Variants in KLHL29 observed in about 807,000 individuals in gnomAD.
KLHL29 encodes kelch like family member 29.
Under a neutral mutation model 80.4 loss-of-function variants are expected in KLHL29, and 21 were observed. The observed-to-expected ratio is 0.26, with a 90% confidence interval of 0.19 to 0.38. The LOEUF (loss-of-function observed/expected upper bound fraction) is 0.38. KLHL29 is among the 10% of genes least tolerant of loss of function. The pLI is 1.00. For synonymous variants in KLHL29, 511 were observed against 526.8 expected, an observed-to-expected ratio of 0.97 and a Z score of 0.41; for missense variants, 867 against 1,223.9, an observed-to-expected ratio of 0.71 and a Z score of 4.35.
At chr2:23,422,650 T>TGTGTGTGTGTCC (rs759311683) in intron 1 of KLHL29, among the ~76,000 whole-genome samples, 244 of 152,166 alleles carry the variant, frequency 1.6e-3, no homozygotes, top group Non-Finnish European at 2.2e-3. Context: ...TGTATGTGCC[T>TGTGTGTGTGTCC]GTGTGTGTGT....
chr2:23,639,317 C>G (rs540290), intron 4 of KLHL29, 37 bp downstream of exon 4: 692,262 of 1,533,368 alleles, frequency 0.45, 158,140 homozygotes, highest in Middle Eastern at 0.55. Context: ...CGACTGAGCC[C>G]AGGGCTTGGC....
At chr2:23,475,394 C>T (rs1222710096) in intron 1 of KLHL29, among the ~76,000 whole-genome samples, 166 bp from the exon 2 acceptor site, 2 of 94,142 alleles carry the variant, frequency 2.1e-5, no homozygotes, top group Non-Finnish European at 4.3e-5. Context: ...CAGTATGCAA[C>T]TCAGCATCAG....
In KLHL29 at chr2:23,457,547, C is replaced by T. The variant is rs1040665950; in HGVS notation, c.-153-18013C>T. The stretch of plus-strand genomic sequence containing the variant: ...CTTGTGTTCCCCGAGGTGGGGGTGC[C>T]TCTGGAATTCCCTGTTCTGCTTTTA... On this transcript the variant is annotated intron_variant, in intron 1 of 13. Transcript: ENST00000486442. This position sits in a 1 kb window ranked among gnomAD's most constrained non-coding sequence, Gnocchi z 4.3. Among the ~76,000 whole-genome samples, 2 of 152,164 alleles carry T rather than the reference C, an allele frequency of 1.3e-5. No homozygotes were observed. Among genetic ancestry groups the T allele is most frequent in the Non-Finnish European group, 2.9e-5 (2 of 68,034 alleles).
chr2:23,592,719 A>G lies in KLHL29; in HGVS notation c.285+30238A>G, dbSNP rs143065845. On this transcript the variant is annotated intron_variant, in intron 3 of 13. Coordinates refer to ENST00000486442, the MANE Select transcript of KLHL29 (RefSeq NM_052920.2). ...GAGAGGGAAGAACCAAGAGCTTGCA[A>G]TGACCTTGCTCCTTCTCAGGGACAG... 8.8e-3 allele frequency among the ~76,000 whole-genome samples: 1,338 copies of G among 152,322 alleles called. 15 individuals carry two copies. Among genetic ancestry groups the G allele is most frequent in the African/African-American group, 0.031 (1,272 of 41,564 alleles).
Position 23,707,903 on chromosome 2 carries a change from A to T in KLHL29, c.*1239A>T, listed in dbSNP as rs1374035262. The T allele has an allele frequency of 1.3e-5, 2 of 152,314 alleles. No individual in the cohort carries two copies. Among genetic ancestry groups the T allele is most frequent in the Non-Finnish European group, 2.9e-5 (2 of 68,100 alleles). The allele number at this position is 152,314 out of a possible 1,614,324, so 9.4% of individuals were successfully genotyped here. A position where few individuals can be genotyped will look rare whatever the true frequency, so the allele number is the denominator to read the frequency against. On this transcript the variant is annotated 3_prime_UTR_variant, in exon 14 of 14. Transcript: ENST00000486442. ...GAAAAGGGAAGCCAGGAGGGAGGTC[A>T]CACCATGGCTCAAAAGGGAAAGGCC... is the stretch of plus-strand genomic sequence containing the variant.
chr2:23,410,630 G>C (rs1666839697), intron 1 of KLHL29, among the ~76,000 whole-genome samples: 1 of 151,936 alleles, frequency 6.6e-6, no homozygotes, highest in African/African-American at 2.4e-5. Flanking sequence ...TAGTAGTAAG[G>C]GTCAAGCTGT....
chr2:23,698,471 T>G (rs1480679895), intron 11 of KLHL29, among the ~76,000 whole-genome samples: 2 of 152,096 alleles, frequency 1.3e-5, no homozygotes, highest in Non-Finnish European at 2.9e-5. Context: ...AAGGTCAGGG[T>G]AATGGGGACA....
In KLHL29 at chr2:23,703,318, C is replaced by T. The variant is rs1229304383; in HGVS notation, c.2238C>T (p.Gly746=). ...GGVNEAGRAA[G]VLQSYVPQTN... ...TGAACGAGGCAGGCCGAGCTGCCGG[C>T]GTCCTCCAGTCTTACGTTCCTCAGA... is the stretch of plus-strand genomic sequence containing the variant. Residue 746 remains glycine, a synonymous_variant, in exon 12 of 14, where the codon GGC becomes GGT. Coordinates refer to ENST00000486442, the MANE Select transcript of KLHL29 (RefSeq NM_052920.2). 4.5e-6 allele frequency: 7 copies of T among 1,546,186 alleles called. No individual in the cohort carries two copies. Among genetic ancestry groups the T allele is most frequent in the South Asian group, 3.6e-5 (3 of 83,400 alleles).
intron 2 of KLHL29, among the ~76,000 whole-genome samples, chr2:23,548,453 A>G (rs1214850399): frequency 6.6e-6 from 1 of 152,172 alleles, no homozygotes; most frequent in Non-Finnish European, 1.5e-5. Flanking sequence ...TGGGCACATG[A>G]TAGAGTTGCA....
intron 3 of KLHL29, among the ~76,000 whole-genome samples, chr2:23,615,371 C>T (rs1668978089): frequency 6.6e-6 from 1 of 152,192 alleles, no homozygotes. Flanking sequence ...TCCCCAGCCA[C>T]CCTGGGACCA....
At chr2:23,558,074 T>A (rs1406466374) in intron 2 of KLHL29, among the ~76,000 whole-genome samples, 1 of 152,170 alleles carries the variant, frequency 6.6e-6, no homozygotes, top group Non-Finnish European at 1.5e-5. Context: ...GGTCTGGAAG[T>A]GGTCTCCATC....
chr2:23,452,172 C>T (rs901080267), intron 1 of KLHL29, among the ~76,000 whole-genome samples: 3 of 138,022 alleles, frequency 2.2e-5, no homozygotes, highest in Non-Finnish European at 4.5e-5. Flanking sequence ...CCACCGTGCC[C>T]AGAAAAAAAA....
intron 1 of KLHL29, among the ~76,000 whole-genome samples, chr2:23,396,150 C>G (rs1473041109): frequency 6.6e-6 from 1 of 152,194 alleles, no homozygotes; most frequent in Non-Finnish European, 1.5e-5. Flanking sequence ...TTCTGTCCAA[C>G]CCAGTGGTGC....
At chr2:23,554,006 G>T (rs777147156) in intron 2 of KLHL29, among the ~76,000 whole-genome samples, 3 of 152,156 alleles carry the variant, frequency 2.0e-5, no homozygotes, top group Non-Finnish European at 2.9e-5. Context: ...GCCAGTGTGG[G>T]ACTCACCCCT....
chr2:23,661,351 A>AC (rs1397283463), intron 5 of KLHL29, among the ~76,000 whole-genome samples: 1 of 151,750 alleles, frequency 6.6e-6, no homozygotes, highest in African/African-American at 2.4e-5. Context: ...AAAAAAAAAA[A>AC]AAAAACCATG....
At chr2:23,591,550 AC>A (rs1204568703) in intron 3 of KLHL29, among the ~76,000 whole-genome samples, 1 of 127,838 alleles carries the variant, frequency 7.8e-6, no homozygotes, top group African/African-American at 3.1e-5. Context: ...CCTGCTCCTT[AC>A]CCCCCACAGC....
intron 3 of KLHL29, among the ~76,000 whole-genome samples, chr2:23,605,812 C>A (rs935696125): frequency 3.3e-5 from 5 of 151,564 alleles, no homozygotes; most frequent in Non-Finnish European, 7.4e-5. Context: ...CTCTGTCGCC[C>A]AGGCTGGAGT....
intron 1 of KLHL29, among the ~76,000 whole-genome samples, chr2:23,440,377 A>G (rs1034303781): frequency 9.2e-5 from 14 of 151,864 alleles, no homozygotes; most frequent in African/African-American, 3.1e-4. Context: ...TAAAAACTCT[A>G]TAAGAAAACC....
chr2:23,412,484 C>T (rs1666888954), intron 1 of KLHL29, among the ~76,000 whole-genome samples: 1 of 152,086 alleles, frequency 6.6e-6, no homozygotes, highest in South Asian at 2.1e-4. Context: ...AAACTTGAAC[C>T]AGTGCATCTA....
Sources: gnomAD v4.1 joint callset for allele counts (sites outside exome capture counted in the v4.1 genomes callset) on GRCh38, gnomAD v4.1.1 for gene constraint, Gnocchi (gnomAD v3.1) non-coding constraint, MANE v1.5 for transcripts, NCBI Gene and HGNC (gene_info 2026-07-23, HGNC 2026-07-21) for gene names.